The following PTGES3 variants were observed in gnomAD, a reference collection of about 807,000 sequenced individuals.
The protein encoded by PTGES3 is prostaglandin E synthase 3, also known as Hsp90 co-chaperone.
Under a neutral mutation model 29.9 loss-of-function variants are expected in PTGES3, and 5 were observed. The observed-to-expected ratio is 0.17, with a 90% CI of 0.09 to 0.35. The LOEUF (loss-of-function observed/expected upper bound fraction) is 0.35. PTGES3 is among the 10% of genes least tolerant of loss of function. The pLI, the probability that PTGES3 is intolerant of heterozygous loss-of-function variation, is 1.00. For missense variants in PTGES3, 128 were observed against 190.0 expected, an observed-to-expected ratio of 0.67 and a Z score of 1.92; for synonymous variants, 49 against 57.8, an observed-to-expected ratio of 0.85 and a Z score of 0.69.
intron 1 of PTGES3, among the ~76,000 whole-genome samples, chr12:56,674,315 C>T (rs928430905): frequency 7.9e-5 from 12 of 152,174 alleles, no homozygotes; most frequent in African/African-American, 2.2e-4. Context: ...CTGACACCTT[C>T]GCCTTGGATT....
intron 2 of PTGES3, 70 bp downstream of exon 2, chr12:56,672,882 A>G (rs1027520609): frequency 3.9e-5 from 60 of 1,552,188 alleles, no homozygotes; most frequent in Admixed American, 1.8e-4. Flanking sequence ...CAATGAAAAG[A>G]CAAGCCAGTC....
intron 5 of PTGES3, among the ~76,000 whole-genome samples, chr12:56,669,007 A>ATTTTTTTTTTTTTT (rs577249197): frequency 1.0e-5 from 1 of 97,056 alleles, no homozygotes; most frequent in Non-Finnish European, 1.9e-5. Context: ...TTCACCATGA[A>ATTTTTTTTTTTTTT]TTTTTTTTTT....
chr12:56,687,751 G>A (rs931553135), intron 1 of PTGES3: 7 of 1,380,726 alleles, frequency 5.1e-6, no homozygotes, highest in Non-Finnish European at 6.5e-6. Context: ...AGCCAAAGGG[G>A]TAAAAGTAGG....
rs371858423 is a variant in PTGES3, at chr12:56,678,374, A to G, written c.3-5309T>C. 2.3e-4 allele frequency among the ~76,000 whole-genome samples: 35 copies of G among 151,998 alleles called. No individual in the cohort carries two copies. In the East Asian group the frequency reaches 6.2e-3, roughly 27 times the overall value. ...TGTTTTTTAGTAGAGGCAGGTTTTC[A>G]CCATGTTGGCCAGGCTGGTCTCGAA... On this transcript the variant is annotated intron_variant, in intron 1 of 7. Transcript: ENST00000262033.
Position 56,663,582 on chromosome 12 carries a change from T to TA in PTGES3, c.*896dup, listed in dbSNP as rs1356106241. The stretch of plus-strand genomic sequence containing the variant: ...TAAAAATTACAGTAAGCCAGACACT[T>TA]AAAAGGACAGCCAAGAAGTCTTCCA... On this transcript the variant is annotated 3_prime_UTR_variant, in exon 8 of 8. Transcript: ENST00000262033. The TA allele has an allele frequency of 6.6e-6, 1 of 152,482 alleles. No individual in the cohort carries two copies. The highest frequency in any genetic ancestry group is 1.9e-4 in the East Asian group (1 of 5,198). The allele number at this position is 152,482 out of a possible 1,614,324, so 9.4% of individuals were successfully genotyped here.
At position 56,663,791 on chromosome 12, in the gene PTGES3, A is replaced by G. The variant is rs1414996018; in HGVS notation, c.*688T>C. 2.6e-5 allele frequency: 4 copies of G among 152,682 alleles called. No homozygotes were observed. The highest frequency in any genetic ancestry group is 1.3e-4 in the Admixed American group (2 of 15,276). The allele number at this position is 152,682 out of a possible 1,614,324, so 9.5% of individuals were successfully genotyped here. A position where few individuals can be genotyped will look rare whatever the true frequency, so the allele number is the denominator to read the frequency against. On this transcript the variant is annotated 3_prime_UTR_variant, in exon 8 of 8. Coordinates refer to ENST00000262033, the MANE Select transcript of PTGES3 (RefSeq NM_006601.7). Reference sequence around the variant, plus strand: ...AAATACAAATCTGGACTAAATGTACAGACTCTCAAGCAACAATGTACAGCT... The same window carrying G: ...AAATACAAATCTGGACTAAATGTACGGACTCTCAAGCAACAATGTACAGCT...
At chr12:56,669,680 C>T (rs184737792) in intron 5 of PTGES3, among the ~76,000 whole-genome samples, 3 of 152,278 alleles carry the variant, frequency 2.0e-5, no homozygotes, top group Admixed American at 6.5e-5. Flanking sequence ...GGCACGATCT[C>T]GGCTCACTGC....
intron 1 of PTGES3, among the ~76,000 whole-genome samples, chr12:56,684,805 A>G (rs1479511507): frequency 1.3e-5 from 2 of 152,202 alleles, no homozygotes; most frequent in African/African-American, 2.4e-5. Context: ...CGAAATTAAG[A>G]GCTTTTATGT....
In PTGES3 at chr12:56,663,577, A is replaced by T. The variant is rs1410835647; in HGVS notation, c.*902T>A. On this transcript the variant is annotated 3_prime_UTR_variant, in exon 8 of 8. Transcript: ENST00000262033. ...ATACATAAAAATTACAGTAAGCCAG[A>T]CACTTAAAAGGACAGCCAAGAAGTC... The T allele has an allele frequency of 6.6e-6, 1 of 152,644 alleles. No individual in the cohort carries two copies. Among genetic ancestry groups the T allele is most frequent in the Admixed American group, 6.5e-5 (1 of 15,268 alleles). 9.5% of individuals were successfully genotyped at this position (152,644 alleles called of 1,614,324 possible).
chr12:56,679,602 G>A (rs1253962717), intron 1 of PTGES3, among the ~76,000 whole-genome samples: 1 of 152,092 alleles, frequency 6.6e-6, no homozygotes, highest in Admixed American at 6.6e-5. Context: ...AAAGGCTAGA[G>A]ATAAATCCAG....
chr12:56,675,625 A>G (rs558520852), intron 1 of PTGES3, among the ~76,000 whole-genome samples: 2 of 152,170 alleles, frequency 1.3e-5, no homozygotes, highest in African/African-American at 4.8e-5. Context: ...TAACACATTA[A>G]AACTACAAAC....
chr12:56,687,143 TA>T (rs1555222115), intron 1 of PTGES3: 2 of 903,154 alleles, frequency 2.2e-6, no homozygotes, highest in Non-Finnish European at 2.8e-6. Context: ...ATAGAATCTG[TA>T]TTCACCTCCA....
At chr12:56,672,682 C>T (rs113135616) in intron 3 of PTGES3, 58 bp downstream of exon 3, 1 of 1,472,570 alleles carries the variant, frequency 6.8e-7, no homozygotes, top group Non-Finnish European at 9.0e-7. Flanking sequence ...AAAAAGAATA[C>T]TTGGTATGTC....
At position 56,688,086 on chromosome 12, in the gene PTGES3, C is replaced by G; in HGVS notation, c.-87G>C. On this transcript the variant is annotated 5_prime_UTR_variant, in exon 1 of 8. Transcript: ENST00000262033. Reference sequence around the variant, plus strand: ...TAGGGAGTCGACTTCTCTCCGGTGGCGACTCCGCTTTTTCTCTCCGGTCGC... The same window carrying G: ...TAGGGAGTCGACTTCTCTCCGGTGGGGACTCCGCTTTTTCTCTCCGGTCGC... 1 of 1,440,770 alleles carries G rather than the reference C, an allele frequency of 6.9e-7. No individual in the cohort carries two copies. Among genetic ancestry groups the G allele is most frequent in the Non-Finnish European group, 9.1e-7 (1 of 1,096,484 alleles). 89.2% of individuals were successfully genotyped at this position (1,440,770 alleles called of 1,614,324 possible). A position where few individuals can be genotyped will look rare whatever the true frequency, so the allele number is the denominator to read the frequency against.
At position 56,682,996 on chromosome 12, in the gene PTGES3, G is replaced by GA. The variant is rs530090070; in HGVS notation, c.2+5001dup. 2.8e-3 allele frequency among the ~76,000 whole-genome samples: 396 copies of GA among 139,646 alleles called. 1 individual carries two copies. The highest frequency in any genetic ancestry group is 6.4e-3 in the African/African-American group (244 of 38,206). The allele number at this position is 139,646 out of a possible 152,430, so 91.6% of individuals were successfully genotyped here. On this transcript the variant is annotated intron_variant, in intron 1 of 7. Transcript: ENST00000262033. ...GCAACAGAATGAGACTCCGCCTCAA[G>GA]AAAAAAAAAAAAATTTACAAAGGTA...
At chr12:56,672,225 C>T (rs557738132) in intron 3 of PTGES3, among the ~76,000 whole-genome samples, 2 of 152,210 alleles carry the variant, frequency 1.3e-5, no homozygotes, top group Admixed American at 6.6e-5. Flanking sequence ...AAGCCTTGGC[C>T]GGGCGCAGTG....
intron 5 of PTGES3, among the ~76,000 whole-genome samples, chr12:56,668,984 T>C (rs1951888834): frequency 6.6e-6 from 1 of 150,894 alleles, no homozygotes; most frequent in African/African-American, 2.4e-5. Context: ...CTTGTATATC[T>C]CATGGTAAAC....
intron 3 of PTGES3, 93 bp downstream of exon 3, chr12:56,672,647 A>G: frequency 7.3e-7 from 1 of 1,365,734 alleles, no homozygotes; most frequent in Non-Finnish European, 9.6e-7. Context: ...CACTGTTAAG[A>G]AAAACAGAAC....
At chr12:56,668,081 C>G (rs1017220703) in intron 5 of PTGES3, among the ~76,000 whole-genome samples, 2 of 152,156 alleles carry the variant, frequency 1.3e-5, no homozygotes, top group Non-Finnish European at 2.9e-5. Context: ...GCACTACATC[C>G]TGGGCAACAA....
Sources: gnomAD v4.1 joint callset for allele counts (sites outside exome capture counted in the v4.1 genomes callset) on GRCh38, gnomAD v4.1.1 for gene constraint, MANE v1.5 for transcripts, NCBI Gene and HGNC (gene_info 2026-07-23, HGNC 2026-07-21) for gene names.